PLCL1: variants seen among roughly 807,000 people sequenced by gnomAD.
PLCL1 encodes the protein phospholipase C like 1 (inactive).
Under a neutral mutation model 84.4 loss-of-function variants are expected in PLCL1, and 41 were observed. The ratio of observed to expected loss-of-function variants is 0.49; its 90% CI spans 0.38 to 0.63. PLCL1 has a LOEUF of 0.63. Among genes scored for constraint, PLCL1 ranks in the 30% least tolerant of loss-of-function variants. The pLI, the probability that PLCL1 is intolerant of heterozygous loss-of-function variation, is 0.00. For missense variants in PLCL1, 1,206 were observed against 1,367.8 expected, an observed-to-expected ratio of 0.88 and a Z score of 1.87; for synonymous variants, 490 against 488.3, an observed-to-expected ratio of 1.00 and a Z score of -0.05.
At chr2:198,056,316 C>T (rs887245002) in intron 1 of PLCL1, among the ~76,000 whole-genome samples, 2 of 152,090 alleles carry the variant, frequency 1.3e-5, no homozygotes, top group Non-Finnish European at 2.9e-5. Flanking sequence ...TTCCCCTCCC[C>T]CCCATAAGGA....
In PLCL1 at chr2:198,084,250, A is replaced by G. The variant is rs371442939; in HGVS notation, c.733A>G (p.Lys245Glu). Residue 245 changes from lysine (K) to glutamate (E), a missense_variant, in exon 2 of 6, where the codon AAA becomes GAA. Lys to Glu is a moderately conservative substitution (Grantham distance 56). Transcript: ENST00000428675. ...NQNTPRFMWL[K>E]TVFEAADVDG... Reference sequence around the variant, plus strand: ...GAACACACCACGGTTCATGTGGTTGAAAACAGTGTTTGAAGCAGCAGATGT... The same window carrying G: ...GAACACACCACGGTTCATGTGGTTGGAAACAGTGTTTGAAGCAGCAGATGT... The G allele has an allele frequency of 7.4e-5, 119 of 1,614,044 alleles. No homozygotes were observed. The highest frequency in any genetic ancestry group is 9.3e-5 in the Non-Finnish European group (110 of 1,180,020).
chr2:197,983,718 A>C (rs1299601510), intron 1 of PLCL1, among the ~76,000 whole-genome samples: 1 of 152,182 alleles, frequency 6.6e-6, no homozygotes, highest in Non-Finnish European at 1.5e-5. Flanking sequence ...GCCTGTAGGG[A>C]TCGAGTTAGA....
intron 1 of PLCL1, among the ~76,000 whole-genome samples, chr2:197,870,095 C>T (rs1687623280): frequency 6.6e-6 from 1 of 152,122 alleles, no homozygotes; most frequent in Non-Finnish European, 1.5e-5. Context: ...GTGGAGTTAA[C>T]TGGTTTTAGC....
intron 1 of PLCL1, among the ~76,000 whole-genome samples, chr2:198,046,525 G>A (rs1289367365): frequency 5.9e-5 from 9 of 152,148 alleles, no homozygotes; most frequent in African/African-American, 2.2e-4. Flanking sequence ...ATAATCGAGG[G>A]CTAAATTGTA....
intron 3 of PLCL1, among the ~76,000 whole-genome samples, chr2:198,093,411 T>G (rs552537328): frequency 6.6e-6 from 1 of 152,284 alleles, no homozygotes; most frequent in South Asian, 2.1e-4. Flanking sequence ...GGGTGAGGAC[T>G]CTGTACTTTC....
At chr2:197,869,537 G>T (rs974158846) in intron 1 of PLCL1, among the ~76,000 whole-genome samples, 4 of 152,112 alleles carry the variant, frequency 2.6e-5, no homozygotes, top group African/African-American at 9.7e-5. Context: ...TCACATACTT[G>T]TTCTTTAAAT....
At chr2:197,910,168 C>G (rs1421105237) in intron 1 of PLCL1, among the ~76,000 whole-genome samples, 1 of 152,178 alleles carries the variant, frequency 6.6e-6, no homozygotes, top group African/African-American at 2.4e-5. Context: ...CTTAGGAAAG[C>G]AAGTGTTTTT....
At chr2:198,123,589 A>G (rs576716598) in intron 5 of PLCL1, among the ~76,000 whole-genome samples, 2 of 152,132 alleles carry the variant, frequency 1.3e-5, no homozygotes, top group South Asian at 4.1e-4. Context: ...GAAGAAACCA[A>G]CCCTGCCAAC....
At chr2:197,922,908 C>T (rs1401539967) in intron 1 of PLCL1, among the ~76,000 whole-genome samples, 1 of 125,716 alleles carries the variant, frequency 8.0e-6, no homozygotes, top group Non-Finnish European at 1.7e-5. Context: ...GGGGGGCTGA[C>T]CCCCCCACCT....
intron 5 of PLCL1, among the ~76,000 whole-genome samples, chr2:198,117,410 G>A (rs1259231565): frequency 6.7e-6 from 1 of 149,548 alleles, no homozygotes; most frequent in Non-Finnish European, 1.5e-5. Context: ...AAGGTTGAAT[G>A]TGTTAGAATT....
chr2:197,919,854 A>C (rs1037519801), intron 1 of PLCL1, among the ~76,000 whole-genome samples: 5 of 152,200 alleles, frequency 3.3e-5, no homozygotes, highest in African/African-American at 1.2e-4. Context: ...ATGAGAAATA[A>C]ACTCATTGTA....
chr2:197,898,099 T>C (rs748465982), intron 1 of PLCL1, among the ~76,000 whole-genome samples: 4 of 152,186 alleles, frequency 2.6e-5, no homozygotes, highest in African/African-American at 4.8e-5. Flanking sequence ...CTGAGCTGAG[T>C]TGTAGTCTTC....
At chr2:198,082,392 T>C (rs1354656897) in intron 1 of PLCL1, among the ~76,000 whole-genome samples, 1 of 151,866 alleles carries the variant, frequency 6.6e-6, no homozygotes, top group East Asian at 1.9e-4. Flanking sequence ...TGCATTGCAC[T>C]GAAATCACGC....
chr2:198,031,833 G>A (rs1477325814), intron 1 of PLCL1, among the ~76,000 whole-genome samples: 1 of 151,736 alleles, frequency 6.6e-6, no homozygotes, highest in African/African-American at 2.4e-5. Context: ...AATATTACTT[G>A]TTACTATGAA....
chr2:198,060,778 GA>G (rs1054694415), intron 1 of PLCL1, among the ~76,000 whole-genome samples: 6 of 152,078 alleles, frequency 3.9e-5, no homozygotes, highest in African/African-American at 1.4e-4. Context: ...AAATAATGTT[GA>G]TTTTTTTTGT....
intron 5 of PLCL1, among the ~76,000 whole-genome samples, chr2:198,120,395 G>A (rs908971192): frequency 6.6e-6 from 1 of 151,836 alleles, no homozygotes; most frequent in Non-Finnish European, 1.5e-5. Flanking sequence ...ACTCTGTTGT[G>A]CTATCAAATG....
intron 1 of PLCL1, among the ~76,000 whole-genome samples, chr2:197,848,098 A>G (rs1687155478): frequency 6.6e-6 from 1 of 152,242 alleles, no homozygotes; most frequent in South Asian, 2.1e-4. Context: ...TAAAGCACAT[A>G]TATACTAAAG....
intron 1 of PLCL1, among the ~76,000 whole-genome samples, chr2:197,869,333 A>G (rs1280515152): frequency 3.3e-5 from 5 of 152,140 alleles, no homozygotes; most frequent in Non-Finnish European, 7.4e-5. Flanking sequence ...GAGGAACTTA[A>G]TAATAACCTC....
intron 1 of PLCL1, among the ~76,000 whole-genome samples, chr2:197,854,376 C>T (rs181975877): frequency 9.1e-4 from 139 of 152,270 alleles, no homozygotes; most frequent in African/African-American, 3.1e-3. Flanking sequence ...TCTGCCTCAG[C>T]CTCATCTCTA....
Sources: allele counts gnomAD v4.1 joint callset (sites outside exome capture counted in the v4.1 genomes callset), GRCh38; gene constraint gnomAD v4.1.1; transcripts MANE v1.5; gene names NCBI Gene and HGNC (gene_info 2026-07-23, HGNC 2026-07-21).